The following FANCD2 variants were observed in gnomAD, a reference collection of about 807,000 sequenced individuals.
FANCD2 encodes FA complementation group D2, also known as Fanconi anemia group D2 protein.
Under a neutral mutation model 192.3 loss-of-function variants are expected in FANCD2, and 131 were observed. That is an observed-to-expected ratio of 0.68 (90% CI 0.59 to 0.79). The LOEUF is 0.79. FANCD2 is among the 30% of genes least tolerant of loss of function. The pLI, the probability that FANCD2 is intolerant of heterozygous loss-of-function variation, is 0.00. For synonymous variants in FANCD2, 524 were observed against 612.5 expected, an observed-to-expected ratio of 0.86 and a Z score of 2.13; for missense variants, 1,508 against 1,701.6, an observed-to-expected ratio of 0.89 and a Z score of 2.00.
At chr3:10,027,821 T>C (rs13326410) in intron 1 of FANCD2, among the ~76,000 whole-genome samples, 33,790 of 149,002 alleles carry the variant, frequency 0.23, 4,902 homozygotes, top group African/African-American at 0.42. Context: ...AGGAGAATGG[T>C]GTGAACCCGG....
chr3:10,050,622 CAAAAAAAA>C (rs58316932), intron 17 of FANCD2, among the ~76,000 whole-genome samples: 1 of 59,632 alleles, frequency 1.7e-5, no homozygotes, highest in Non-Finnish European at 3.6e-5. Context: ...GACTCTGTCT[CAAAAAAAA>C]AAAAAAAAAA....
At chr3:10,076,316 A>T (rs368763625) in intron 29 of FANCD2, among the ~76,000 whole-genome samples, 5 of 151,462 alleles carry the variant, frequency 3.3e-5, no homozygotes, top group African/African-American at 1.2e-4. Context: ...TGTGTGTGGC[A>T]TTCAAAGTCA....
intron 7 of FANCD2, among the ~76,000 whole-genome samples, chr3:10,038,164 G>A (rs969285602): frequency 6.6e-6 from 1 of 151,900 alleles, no homozygotes; most frequent in African/African-American, 2.4e-5. Flanking sequence ...CTAATTTTTG[G>A]TATTTTTAGT....
At chr3:10,041,768 T>G in intron 10 of FANCD2, 58 bp downstream of exon 10, 3 of 1,158,604 alleles carry the variant, frequency 2.6e-6, no homozygotes, top group Non-Finnish European at 3.9e-6. Context: ...CCAGAACAAG[T>G]GTCAGTCAGT....
At chr3:10,079,360 A>G (rs1251900346) in intron 30 of FANCD2, among the ~76,000 whole-genome samples, 1 of 151,678 alleles carries the variant, frequency 6.6e-6, no homozygotes, top group African/African-American at 2.4e-5. Context: ...GCTGGAGTGC[A>G]GTGGTGCAAT....
intron 26 of FANCD2, among the ~76,000 whole-genome samples, chr3:10,069,029 A>G (rs34914111): frequency 0.03 from 4,588 of 152,290 alleles, 238 homozygotes; most frequent in African/African-American, 0.1. Flanking sequence ...TCAAATTATG[A>G]AACTACTAAC....
At chr3:10,027,457 G>T (rs567267865) in intron 1 of FANCD2, among the ~76,000 whole-genome samples, 8 of 152,250 alleles carry the variant, frequency 5.3e-5, no homozygotes, top group African/African-American at 1.9e-4. Flanking sequence ...AGATTAAAAG[G>T]TCATGTGATT....
At position 10,040,032 on chromosome 3, in the gene FANCD2, T is replaced by A. The variant is rs866224836; in HGVS notation, c.695+187T>A. ...TATATTTGAATAGATCCACATACTT[T>A]CTTTTTTTTTTTTTTTTTTTCTGAG... On this transcript the variant is annotated intron_variant, in intron 9 of 43. Transcript: ENST00000675286. 7 of 552,202 alleles carry A rather than the reference T, an allele frequency of 1.3e-5. No individual in the cohort carries two copies. In the African/African-American group the frequency reaches 1.3e-4, roughly 10 times the overall value. 34.2% of individuals were successfully genotyped at this position (552,202 alleles called of 1,614,324 possible).
intron 26 of FANCD2, among the ~76,000 whole-genome samples, chr3:10,071,444 T>G (rs1319443825): frequency 6.6e-6 from 1 of 152,176 alleles, no homozygotes; most frequent in Non-Finnish European, 1.5e-5. Flanking sequence ...GCAACCTAAG[T>G]GTCCATCAGC....
At chr3:10,096,771 G>T (rs1694991281) in intron 42 of FANCD2, among the ~76,000 whole-genome samples, 1 of 152,172 alleles carries the variant, frequency 6.6e-6, no homozygotes. Context: ...GCTCCTTTAA[G>T]CCCCACTGAG....
intron 33 of FANCD2, 93 bp from the exon 34 acceptor site, chr3:10,087,041 C>A (rs778403934): frequency 6.4e-6 from 9 of 1,402,412 alleles, no homozygotes; most frequent in Non-Finnish European, 9.1e-6. Flanking sequence ...CCGTCAAACA[C>A]TGAAAGGGAC....
At chr3:10,053,484 A>G (rs989798574) in intron 18 of FANCD2, among the ~76,000 whole-genome samples, 2 of 152,042 alleles carry the variant, frequency 1.3e-5, no homozygotes, top group African/African-American at 4.8e-5. Context: ...ATATGTAACT[A>G]ACCTGCACAT....
At chr3:10,027,548 T>C (rs950850983) in intron 1 of FANCD2, among the ~76,000 whole-genome samples, 21 of 152,168 alleles carry the variant, frequency 1.4e-4, no homozygotes, top group African/African-American at 5.1e-4. Context: ...TTGCCTGGAC[T>C]CCTCTTCTCC....
chr3:10,041,970 C>T (rs1175288354), intron 10 of FANCD2, among the ~76,000 whole-genome samples: 1 of 151,074 alleles, frequency 6.6e-6, no homozygotes, highest in Non-Finnish European at 1.5e-5. Context: ...GCAATCTCCG[C>T]TAACTGCAAC....
chr3:10,093,618 A>C (rs1184274112), intron 39 of FANCD2, among the ~76,000 whole-genome samples: 1 of 152,080 alleles, frequency 6.6e-6, no homozygotes, highest in Non-Finnish European at 1.5e-5. Flanking sequence ...CTTACCAGGC[A>C]AAAGGGAGGA....
chr3:10,032,840 A>G lies in FANCD2; in HGVS notation c.73A>G (p.Lys25Glu), dbSNP rs777237116. The part of the protein sequence containing the change: ...SLTEDASKTR[K>E]QPLSKKTKKS... ...AATTTTTCTATTTTCAGAAACCAGG[A>G]AGCAACCACTTTCCAAAAAGACAAA... Residue 25 changes from lysine to glutamate, a missense_variant, in exon 3 of 44, where the codon AAG becomes GAG. Lys to Glu is a moderately conservative substitution (Grantham distance 56). Coordinates refer to ENST00000675286, the MANE Select transcript of FANCD2 (RefSeq NM_001018115.3). 6.2e-7 allele frequency: 1 copy of G among 1,612,890 alleles called. No individual in the cohort carries two copies.
chr3:10,062,265 G>A lies in FANCD2; in HGVS notation c.1827+54G>A, dbSNP rs549140674. On this transcript the variant is annotated intron_variant, in intron 20 of 43. Coordinates refer to ENST00000675286, the MANE Select transcript of FANCD2 (RefSeq NM_001018115.3). ...TTCCTGTCTTTTTTTTTTTTTTAGA[G>A]AGTCTCGCTCTGTCACCCAACCTGC... 7 of 1,405,908 alleles carry A rather than the reference G, an allele frequency of 5.0e-6. No individual in the cohort carries two copies. The East Asian group carries it at 1.7e-4, about 33-fold the overall frequency. 87.1% of individuals were successfully genotyped at this position (1,405,908 alleles called of 1,614,324 possible). A position where few individuals can be genotyped will look rare whatever the true frequency, so the allele number is the denominator to read the frequency against.
chr3:10,076,108 G>A (rs887050628), intron 29 of FANCD2, among the ~76,000 whole-genome samples: 2 of 151,426 alleles, frequency 1.3e-5, no homozygotes, highest in South Asian at 4.2e-4. Context: ...TATTGAGTGA[G>A]CAGTTTGCAG....
intron 42 of FANCD2, among the ~76,000 whole-genome samples, chr3:10,097,322 A>G (rs1373817140): frequency 6.6e-6 from 1 of 152,210 alleles, no homozygotes; most frequent in Non-Finnish European, 1.5e-5. Context: ...TCCTCTTCCT[A>G]ATAAGCCTGG....
Sources: gnomAD v4.1 joint callset for allele counts (sites outside exome capture counted in the v4.1 genomes callset) on GRCh38, gnomAD v4.1.1 for gene constraint, MANE v1.5 for transcripts, NCBI Gene and HGNC (gene_info 2026-07-23, HGNC 2026-07-21) for gene names.